MTA3: variants seen among roughly 807,000 people sequenced by gnomAD.
MTA3 encodes metastasis associated 1 family member 3, also known as metastasis-associated protein MTA3.
MTA3 carries 34 observed loss-of-function variants against 83.5 expected under a neutral mutation model. That is an observed-to-expected ratio of 0.41 (90% CI 0.31 to 0.54). The LOEUF is 0.54. Ranked by LOEUF, MTA3 falls within the 20% of genes least tolerant of loss-of-function variation. The pLI, the probability that MTA3 is intolerant of heterozygous loss-of-function variation, is 0.33. For missense variants in MTA3, 761 were observed against 726.4 expected, an observed-to-expected ratio of 1.05 and a Z score of -0.55; for synonymous variants, 303 against 252.7, an observed-to-expected ratio of 1.20 and a Z score of -1.89.
intron 6 of MTA3, among the ~76,000 whole-genome samples, chr2:42,654,063 G>A (rs1342765375): frequency 6.6e-6 from 1 of 152,192 alleles, no homozygotes; most frequent in Non-Finnish European, 1.5e-5. Context: ...GCTAAGAATT[G>A]TAAACAAAAC....
At chr2:42,722,400 T>G (rs1460188723) in intron 15 of MTA3, among the ~76,000 whole-genome samples, 1 of 152,182 alleles carries the variant, frequency 6.6e-6, no homozygotes, top group Non-Finnish European at 1.5e-5. Context: ...AGGCTGCGAG[T>G]AATTGATCCT....
At chr2:42,640,523 A>G (rs1687609401) in intron 5 of MTA3, among the ~76,000 whole-genome samples, 1 of 152,160 alleles carries the variant, frequency 6.6e-6, no homozygotes, top group Non-Finnish European at 1.5e-5. Context: ...GACTTTATGA[A>G]ATTAATGCTT....
intron 5 of MTA3, 109 bp from the exon 6 acceptor site, chr2:42,644,018 T>C (rs1687934496): frequency 1.7e-6 from 1 of 593,314 alleles, no homozygotes; most frequent in East Asian, 3.2e-5. Flanking sequence ...AAAATGAAAT[T>C]TTATATACTC....
intron 2 of MTA3, among the ~76,000 whole-genome samples, chr2:42,535,701 A>T (rs1021397476): frequency 6.6e-6 from 1 of 150,796 alleles, no homozygotes; most frequent in Middle Eastern, 3.2e-3. Context: ...GTTAAGAAGG[A>T]AGAGGAGAAT....
At chr2:42,563,061 A>G (rs1677742562) in intron 2 of MTA3, among the ~76,000 whole-genome samples, 1 of 151,956 alleles carries the variant, frequency 6.6e-6, no homozygotes, top group African/African-American at 2.4e-5. Context: ...TCTACTTATC[A>G]TAACCCACTG....
intron 4 of MTA3, among the ~76,000 whole-genome samples, chr2:42,623,289 TC>T (rs1685752485): frequency 6.6e-6 from 1 of 152,224 alleles, no homozygotes; most frequent in African/African-American, 2.4e-5. Flanking sequence ...CCCATTGTTT[TC>T]AGCTAGGTGG....
At chr2:42,643,797 G>A (rs1687915055) in intron 5 of MTA3, among the ~76,000 whole-genome samples, 2 of 152,040 alleles carry the variant, frequency 1.3e-5, no homozygotes, top group Admixed American at 1.3e-4. Flanking sequence ...TTGACTTTAG[G>A]TGTCTTACCT....
At chr2:42,500,490 G>A (rs940403211) in intron 2 of MTA3, among the ~76,000 whole-genome samples, 1 of 152,006 alleles carries the variant, frequency 6.6e-6, no homozygotes, top group Admixed American at 6.6e-5. Context: ...CCTGGGAGGT[G>A]GATGCCAGTG....
At chr2:42,604,982 T>A (rs959270516) in intron 3 of MTA3, among the ~76,000 whole-genome samples, 1 of 150,358 alleles carries the variant, frequency 6.7e-6, no homozygotes, top group Non-Finnish European at 1.5e-5. Context: ...CATGTCTACT[T>A]CTTTCCACAC....
chr2:42,729,215 G>T (rs1295227111), intron 16 of MTA3, among the ~76,000 whole-genome samples: 3 of 145,836 alleles, frequency 2.1e-5, no homozygotes, highest in Non-Finnish European at 4.5e-5. Context: ...TCCTGCCTCA[G>T]CCTACCCAGT....
chr2:42,547,981 A>G (rs886561000), intron 2 of MTA3, among the ~76,000 whole-genome samples: 2 of 152,202 alleles, frequency 1.3e-5, no homozygotes, highest in Non-Finnish European at 2.9e-5. Flanking sequence ...AGTCCTTCTA[A>G]GGCCATATTT....
chr2:42,546,776 T>C (rs1039611110), intron 2 of MTA3, among the ~76,000 whole-genome samples: 2 of 152,198 alleles, frequency 1.3e-5, no homozygotes, highest in African/African-American at 4.8e-5. Flanking sequence ...GTTCATATAA[T>C]CTGTGGCGGT....
At chr2:42,500,343 G>C (rs890293188) in intron 2 of MTA3, among the ~76,000 whole-genome samples, 1 of 152,102 alleles carries the variant, frequency 6.6e-6, no homozygotes, top group African/African-American at 2.4e-5. Flanking sequence ...AGGTTACAGT[G>C]AGCCGAGATC....
At chr2:42,560,074 T>A (rs921228126) in intron 2 of MTA3, among the ~76,000 whole-genome samples, 3 of 152,224 alleles carry the variant, frequency 2.0e-5, no homozygotes, top group Middle Eastern at 3.4e-3. Context: ...TTTTAATTTT[T>A]ATTTTTTGAG....
intron 2 of MTA3, among the ~76,000 whole-genome samples, chr2:42,502,347 C>T (rs1306677583): frequency 6.6e-6 from 1 of 152,138 alleles, no homozygotes; most frequent in Non-Finnish European, 1.5e-5. Flanking sequence ...AGTTGTTAGT[C>T]CGCCATCTGA....
At chr2:42,714,391 T>TA (rs770757656) in intron 14 of MTA3, among the ~76,000 whole-genome samples, 262 of 150,200 alleles carry the variant, frequency 1.7e-3, no homozygotes, top group African/African-American at 5.5e-3. Context: ...GTTGAATTTA[T>TA]AAAAAAAAAA....
intron 2 of MTA3, among the ~76,000 whole-genome samples, chr2:42,539,497 C>G (rs1676423923): frequency 6.6e-6 from 1 of 151,916 alleles, no homozygotes; most frequent in Non-Finnish European, 1.5e-5. Context: ...GTCCCTCTCA[C>G]CACATGCGGG....
intron 4 of MTA3, among the ~76,000 whole-genome samples, chr2:42,636,329 A>G (rs1474239858): frequency 6.6e-6 from 1 of 152,034 alleles, no homozygotes; most frequent in East Asian, 1.9e-4. Flanking sequence ...CGCTTGAGCC[A>G]GGGAGTTTGA....
chr2:42,719,244 C>T (rs1667239665), intron 15 of MTA3, among the ~76,000 whole-genome samples, 170 bp downstream of exon 15: 1 of 152,138 alleles, frequency 6.6e-6, no homozygotes, highest in African/African-American at 2.4e-5. Flanking sequence ...ATTACCAGCA[C>T]ACACAACACA....
Sources: allele counts gnomAD v4.1 joint callset (sites outside exome capture counted in the v4.1 genomes callset), GRCh38; gene constraint gnomAD v4.1.1; transcripts MANE v1.5; gene names NCBI Gene and HGNC (gene_info 2026-07-23, HGNC 2026-07-21).